Variants in ERC2 observed in about 807,000 individuals in gnomAD.
The protein encoded by ERC2 is ELKS/RAB6-interacting/CAST family member 2.
ERC2 carries 42 observed loss-of-function variants against 114.8 expected under a neutral mutation model. The ratio of observed to expected loss-of-function variants is 0.37; its 90% CI spans 0.29 to 0.47. The LOEUF (loss-of-function observed/expected upper bound fraction) is 0.47. Ranked by LOEUF, ERC2 falls within the 20% of genes least tolerant of loss-of-function variation. The pLI is 0.99. For synonymous variants in ERC2, 454 were observed against 425.5 expected, an observed-to-expected ratio of 1.07 and a Z score of -0.82; for missense variants, 939 against 1,150.7, an observed-to-expected ratio of 0.82 and a Z score of 2.66.
At chr3:55,777,296 G>A (rs988193999) in intron 14 of ERC2, among the ~76,000 whole-genome samples, 1 of 152,134 alleles carries the variant, frequency 6.6e-6, no homozygotes, top group Non-Finnish European at 1.5e-5. Flanking sequence ...AAGCAGAAGT[G>A]TACCCAGCTA....
At chr3:55,703,977 A>G (rs2063356425) in intron 15 of ERC2, among the ~76,000 whole-genome samples, 1 of 152,324 alleles carries the variant, frequency 6.6e-6, no homozygotes, top group South Asian at 2.1e-4. Context: ...CTCACTAAGA[A>G]TAAGGGGTGT....
rs73083342 is a variant in ERC2, at chr3:55,917,667, T to C, written c.2404-29118A>G. 2.9e-3 allele frequency among the ~76,000 whole-genome samples: 441 copies of C among 152,248 alleles called. 1 individual carries two copies. Among genetic ancestry groups the C allele is most frequent in the Middle Eastern group, 6.8e-3 (2 of 294 alleles). ...AAGGGCAGGGGGAGTGTGGAATAACTGGTTATAGGTACAGAGTTTCCTTTT... is the reference window on the plus strand; with the variant it reads ...AAGGGCAGGGGGAGTGTGGAATAACCGGTTATAGGTACAGAGTTTCCTTTT... On this transcript the variant is annotated intron_variant, in intron 13 of 17. Transcript: ENST00000288221.
At chr3:56,249,315 A>T (rs1335270524) in intron 3 of ERC2, among the ~76,000 whole-genome samples, 1 of 150,890 alleles carries the variant, frequency 6.6e-6, no homozygotes, top group Non-Finnish European at 1.5e-5. Flanking sequence ...ACTTACAAAG[A>T]ATGTGACATT....
At chr3:56,237,399 G>A (rs1368819604) in intron 3 of ERC2, among the ~76,000 whole-genome samples, 1 of 152,080 alleles carries the variant, frequency 6.6e-6, no homozygotes, top group African/African-American at 2.4e-5. Context: ...TTTTTCAGGT[G>A]CCACCATGGA....
chr3:56,356,737 C>G (rs4974201), intron 2 of ERC2, among the ~76,000 whole-genome samples: 34,442 of 152,122 alleles, frequency 0.23, 4,385 homozygotes, highest in Non-Finnish European at 0.28. Flanking sequence ...CCAGCTAACA[C>G]AGTCTCACAA....
chr3:55,626,149 A>G (rs115111086), intron 17 of ERC2, among the ~76,000 whole-genome samples: 1,571 of 152,344 alleles, frequency 0.01, 27 homozygotes, highest in African/African-American at 0.036. Flanking sequence ...GGAAGTGGTA[A>G]CACAGGGAAA....
chr3:56,101,610 C>T lies in ERC2; in HGVS notation c.1474-20626G>A, dbSNP rs989761293. On this transcript the variant is annotated intron_variant, in intron 6 of 17. Coordinates refer to ENST00000288221, the MANE Select transcript of ERC2 (RefSeq NM_015576.3). ...CCACCGAAAATCAACCGGGCCTCCCCAGCCAACAGAATAGCCCAGAAACTG... is the reference window on the plus strand; with the variant it reads ...CCACCGAAAATCAACCGGGCCTCCCTAGCCAACAGAATAGCCCAGAAACTG... Among the ~76,000 whole-genome samples, 3 of 152,266 alleles carry T rather than the reference C, an allele frequency of 2.0e-5. No individual in the cohort carries two copies. The South Asian group carries it at 6.2e-4, about 32-fold the overall frequency.
chr3:55,831,419 GA>G (rs2060576875), intron 14 of ERC2, among the ~76,000 whole-genome samples: 5 of 47,462 alleles, frequency 1.1e-4, no homozygotes, highest in African/African-American at 2.9e-4. Flanking sequence ...AAGGGGAGGG[GA>G]AGGGAAGGGA....
At chr3:55,620,745 C>G (rs577036051) in intron 17 of ERC2, among the ~76,000 whole-genome samples, 2 of 152,116 alleles carry the variant, frequency 1.3e-5, no homozygotes, top group African/African-American at 4.8e-5. Flanking sequence ...GAAAGCACTC[C>G]GATTCACTTA....
At chr3:56,402,262 C>T (rs1050657265) in intron 2 of ERC2, among the ~76,000 whole-genome samples, 1 of 152,116 alleles carries the variant, frequency 6.6e-6, no homozygotes, top group Non-Finnish European at 1.5e-5. Context: ...TAATTACATG[C>T]AAATTAAGGG....
chr3:55,733,594 T>C (rs889790312), intron 15 of ERC2, among the ~76,000 whole-genome samples: 10 of 145,270 alleles, frequency 6.9e-5, no homozygotes, highest in Non-Finnish European at 1.5e-5. Context: ...ACATTCTCTG[T>C]CTCTCTCACT....
chr3:55,718,668 C>T (rs974450776), intron 15 of ERC2, among the ~76,000 whole-genome samples: 1 of 152,178 alleles, frequency 6.6e-6, no homozygotes, highest in Non-Finnish European at 1.5e-5. Flanking sequence ...GAAGGATGCT[C>T]TGCCTGCCCC....
chr3:55,866,595 T>G (rs2062327681), intron 14 of ERC2, among the ~76,000 whole-genome samples: 1 of 152,204 alleles, frequency 6.6e-6, no homozygotes, highest in Non-Finnish European at 1.5e-5. Flanking sequence ...GTTACAGTTT[T>G]AACTCTTACA....
At chr3:56,035,010 A>C (rs1435229989) in intron 7 of ERC2, among the ~76,000 whole-genome samples, 1 of 152,054 alleles carries the variant, frequency 6.6e-6, no homozygotes, top group Non-Finnish European at 1.5e-5. Flanking sequence ...TTAGAAAAAC[A>C]ACCGAAAGAA....
intron 2 of ERC2, among the ~76,000 whole-genome samples, chr3:56,381,334 C>T (rs931395426): frequency 2.0e-5 from 3 of 152,092 alleles, no homozygotes; most frequent in African/African-American, 4.8e-5. Flanking sequence ...GGTTCCAAGA[C>T]CCCCTATGCA....
chr3:56,307,859 CACAG>C (rs1160763039), intron 2 of ERC2, among the ~76,000 whole-genome samples: 1 of 136,376 alleles, frequency 7.3e-6, no homozygotes, highest in Non-Finnish European at 1.6e-5. Context: ...CACACACACA[CACAG>C]AATGACCCTC....
intron 14 of ERC2, among the ~76,000 whole-genome samples, chr3:55,744,842 A>G (rs995046043): frequency 1.3e-5 from 2 of 152,226 alleles, no homozygotes; most frequent in Non-Finnish European, 2.9e-5. Context: ...CTTGCAGTCA[A>G]GACCCTCTAC....
At chr3:55,559,918 T>C (rs1350857388) in intron 17 of ERC2, among the ~76,000 whole-genome samples, 2 of 152,180 alleles carry the variant, frequency 1.3e-5, no homozygotes, top group South Asian at 2.1e-4. Flanking sequence ...CATGCTATCT[T>C]GAAGGAGCCC....
chr3:55,610,090 A>T (rs1401452391), intron 17 of ERC2, among the ~76,000 whole-genome samples: 6 of 151,074 alleles, frequency 4.0e-5, no homozygotes, highest in Non-Finnish European at 7.4e-5. Flanking sequence ...AAAAACAAGA[A>T]TTCCTCTAAT....
Sources: allele counts gnomAD v4.1 joint callset (sites outside exome capture counted in the v4.1 genomes callset), GRCh38; gene constraint gnomAD v4.1.1; transcripts MANE v1.5; gene names NCBI Gene and HGNC (gene_info 2026-07-23, HGNC 2026-07-21).